The following GRIN2B variants were observed in gnomAD, a reference collection of about 807,000 sequenced individuals.
GRIN2B encodes glutamate receptor ionotropic, NMDA 2B.
In GRIN2B, 5 loss-of-function variants were observed where a neutral mutation model predicts 114.5. The ratio of observed to expected loss-of-function variants is 0.04; its 90% confidence interval spans 0.02 to 0.09. The LOEUF is 0.09. GRIN2B is among the 10% of genes least tolerant of loss of function. The probability of loss-of-function intolerance (pLI) is 1.00; values close to 1 mark genes in which losing one functional copy is unlikely to be tolerated. For missense variants in GRIN2B, 1,108 were observed against 1,943.5 expected, an observed-to-expected ratio of 0.57 and a Z score of 8.08; for synonymous variants, 787 against 745.1, an observed-to-expected ratio of 1.06 and a Z score of -0.92.
At chr12:13,796,234 A>G (rs1422356466) in intron 3 of GRIN2B, among the ~76,000 whole-genome samples, 1 of 152,208 alleles carries the variant, frequency 6.6e-6, no homozygotes, top group Non-Finnish European at 1.5e-5. Context: ...CACATTTTTA[A>G]TGTTGTAAAA....
intron 2 of GRIN2B, among the ~76,000 whole-genome samples, chr12:13,900,857 C>G (rs1202631206): frequency 2.0e-5 from 3 of 152,098 alleles, no homozygotes; most frequent in Non-Finnish European, 4.4e-5. Flanking sequence ...TTGTTGGGAG[C>G]AGCTGCGGTT....
chr12:13,842,789 G>A (rs1865399496), intron 3 of GRIN2B, among the ~76,000 whole-genome samples: 1 of 151,996 alleles, frequency 6.6e-6, no homozygotes, highest in African/African-American at 2.4e-5. Flanking sequence ...AAATTAATTA[G>A]GAGAATTATA....
chr12:13,674,860 T>C (rs1950056909), intron 5 of GRIN2B, among the ~76,000 whole-genome samples: 1 of 152,150 alleles, frequency 6.6e-6, no homozygotes, highest in Admixed American at 6.5e-5. Flanking sequence ...TTCCAAGGGT[T>C]AGTATGTTCC....
At chr12:13,927,367 G>T (rs976123574) in intron 2 of GRIN2B, among the ~76,000 whole-genome samples, 2 of 152,036 alleles carry the variant, frequency 1.3e-5, no homozygotes, top group African/African-American at 4.8e-5. Flanking sequence ...GGCTAGAAAT[G>T]TTTTTTTCTG....
chr12:13,670,981 T>C (rs1024402852), intron 5 of GRIN2B, among the ~76,000 whole-genome samples: 3 of 152,146 alleles, frequency 2.0e-5, no homozygotes, highest in Non-Finnish European at 4.4e-5. Context: ...ATCAAATCTG[T>C]AAATGTTTGG....
At chr12:13,679,945 A>G (rs1591672559) in intron 4 of GRIN2B, among the ~76,000 whole-genome samples, 1 of 152,198 alleles carries the variant, frequency 6.6e-6, no homozygotes, top group South Asian at 2.1e-4. Context: ...TATATAAAAT[A>G]TGATACAAAT....
At chr12:13,880,126 G>C (rs929237399) in intron 2 of GRIN2B, among the ~76,000 whole-genome samples, 5 of 152,220 alleles carry the variant, frequency 3.3e-5, no homozygotes, top group African/African-American at 1.2e-4. Flanking sequence ...GGCTAAGGCA[G>C]TATAAAGACA....
At chr12:13,838,690 G>C (rs1865324783) in intron 3 of GRIN2B, among the ~76,000 whole-genome samples, 1 of 152,120 alleles carries the variant, frequency 6.6e-6, no homozygotes, top group South Asian at 2.1e-4. Flanking sequence ...CTGATGCTCA[G>C]GTGTGGCACA....
intron 4 of GRIN2B, among the ~76,000 whole-genome samples, chr12:13,724,874 C>G (rs1266767804): frequency 6.6e-6 from 1 of 152,144 alleles, no homozygotes. Flanking sequence ...AATCCTGGGA[C>G]TGCACAGGGC....
intron 4 of GRIN2B, among the ~76,000 whole-genome samples, chr12:13,700,539 C>T (rs564174287): frequency 6.6e-6 from 1 of 152,112 alleles, no homozygotes; most frequent in South Asian, 2.1e-4. Flanking sequence ...ACTTGCCAGG[C>T]AGCACTAGTC....
intron 4 of GRIN2B, among the ~76,000 whole-genome samples, chr12:13,737,172 A>T (rs1863199643): frequency 6.6e-6 from 1 of 151,844 alleles, no homozygotes; most frequent in Non-Finnish European, 1.5e-5. Flanking sequence ...CTCATATTAC[A>T]CTTATGGGGA....
intron 3 of GRIN2B, among the ~76,000 whole-genome samples, chr12:13,780,834 C>CAAAAAAA (rs200061187): frequency 1.2e-5 from 1 of 84,698 alleles, no homozygotes; most frequent in African/African-American, 3.8e-5. Flanking sequence ...CAGGTTTTGC[C>CAAAAAAA]AAAAAAAAAA....
At chr12:13,911,489 T>G (rs1028634980) in intron 2 of GRIN2B, among the ~76,000 whole-genome samples, 1 of 152,178 alleles carries the variant, frequency 6.6e-6, no homozygotes, top group African/African-American at 2.4e-5. Flanking sequence ...GCAGTTTGTG[T>G]CAATACTCAT....
At position 13,647,218 on chromosome 12, in the gene GRIN2B, G is replaced by A. The variant is rs1949769481; in HGVS notation, c.1125+28527C>T. Among the ~76,000 whole-genome samples, 3 of 152,094 alleles carry A rather than the reference G, an allele frequency of 2.0e-5. No individual in the cohort carries two copies. In the South Asian group the frequency reaches 6.2e-4, roughly 32 times the overall value. On this transcript the variant is annotated intron_variant, in intron 5 of 13. Coordinates refer to ENST00000609686, the MANE Select transcript of GRIN2B (RefSeq NM_000834.5). ...TATGTGCTGTTTAAGCCACTGGGTT[G>A]ATGGAAATTTATTATGCAGCAATAG...
At chr12:13,681,334 T>A (rs1950129932) in intron 4 of GRIN2B, among the ~76,000 whole-genome samples, 1 of 152,204 alleles carries the variant, frequency 6.6e-6, no homozygotes, top group African/African-American at 2.4e-5. Flanking sequence ...AGGCTGAGAA[T>A]AGGACCCAGG....
intron 2 of GRIN2B, among the ~76,000 whole-genome samples, chr12:13,975,313 T>G (rs1167810103): frequency 3.3e-5 from 5 of 152,310 alleles, no homozygotes; most frequent in South Asian, 2.1e-4. Flanking sequence ...GAATATGCAG[T>G]CTCACAAAAT....
intron 10 of GRIN2B, 89 bp from the exon 11 acceptor site, chr12:13,572,053 A>C (rs1948715844): frequency 3.8e-6 from 4 of 1,050,376 alleles, no homozygotes; most frequent in Non-Finnish European, 5.8e-6. Flanking sequence ...AAGAGACATT[A>C]AGTAAGTTAG....
At chr12:13,787,894 C>T (rs1023338838) in intron 3 of GRIN2B, among the ~76,000 whole-genome samples, 2 of 152,176 alleles carry the variant, frequency 1.3e-5, no homozygotes, top group African/African-American at 4.8e-5. Context: ...TCCCATTGAT[C>T]CAATGTAATA....
At chr12:13,835,774 A>T (rs1865250497) in intron 3 of GRIN2B, among the ~76,000 whole-genome samples, 1 of 79,972 alleles carries the variant, frequency 1.3e-5, no homozygotes, top group Non-Finnish European at 3.0e-5. Context: ...AGCACATTAA[A>T]AAAAAAAAAA....
Sources: gnomAD v4.1 joint callset for allele counts (sites outside exome capture counted in the v4.1 genomes callset) on GRCh38, gnomAD v4.1.1 for gene constraint, MANE v1.5 for transcripts, NCBI Gene and HGNC (gene_info 2026-07-23, HGNC 2026-07-21) for gene names.